Variants in RPS6KB1 observed in about 807,000 individuals in gnomAD.
RPS6KB1 encodes the protein ribosomal protein S6 kinase beta-1.
A neutral mutation model predicts 70.2 loss-of-function variants in RPS6KB1; 12 were observed. The observed-to-expected ratio is 0.17, with a 90% CI of 0.11 to 0.28. The LOEUF (loss-of-function observed/expected upper bound fraction) is 0.28. RPS6KB1 is among the 10% of genes least tolerant of loss of function. The pLI is 1.00. For synonymous variants in RPS6KB1, 175 were observed against 211.2 expected, an observed-to-expected ratio of 0.83 and a Z score of 1.49; for missense variants, 270 against 646.6, an observed-to-expected ratio of 0.42 and a Z score of 6.32.
intron 13 of RPS6KB1, among the ~76,000 whole-genome samples, chr17:59,941,273 C>T (rs2044562750): frequency 6.6e-6 from 1 of 150,776 alleles, no homozygotes; most frequent in South Asian, 2.1e-4. Context: ...AAAAACCTCA[C>T]TGACTACATG....
rs561235117 is a variant in RPS6KB1 at position 59,934,084 on chromosome 17, G to A, written c.689-86G>A. The A allele has an allele frequency of 2.6e-5, 23 of 891,842 alleles. No homozygotes were observed. In the East Asian group the frequency reaches 2.9e-4, roughly 11 times the overall value. The allele number at this position is 891,842 out of a possible 1,614,324, so 55.2% of individuals were successfully genotyped here. On this transcript the variant is annotated intron_variant, in intron 7 of 14. Coordinates refer to ENST00000225577, the MANE Select transcript of RPS6KB1 (RefSeq NM_003161.4). This position sits in a 1 kb window ranked among gnomAD's most constrained non-coding sequence, Gnocchi z 4.8. ...TGAGGCAAGAAAAGTTAAATGGAAG[G>A]ATAGATTAAAGTATTATGTGACATG...
Position 59,896,931 on chromosome 17 carries a change from A to T in RPS6KB1, c.141+3606A>T, listed in dbSNP as rs76981745. On this transcript the variant is annotated intron_variant, in intron 1 of 14. Transcript: ENST00000225577. ...TACCCTGAAATAAAAAAAAAAAAAA[A>T]TTCTGGAAAATGAGAGAAGTTTAGA... Among the ~76,000 whole-genome samples the T allele has an allele frequency of 2.5e-3, 386 of 152,102 alleles. 7 individuals are homozygous for T. The highest frequency in any genetic ancestry group is 0.022 in the East Asian group (115 of 5,184).
chr17:59,937,453 C>T (rs2044309734), intron 12 of RPS6KB1, among the ~76,000 whole-genome samples: 1 of 152,164 alleles, frequency 6.6e-6, no homozygotes, highest in African/African-American at 2.4e-5. Context: ...GATCTGGAGA[C>T]TAGAAGTTCT....
At position 59,946,483 on chromosome 17, in the gene RPS6KB1, G is replaced by A; in HGVS notation, c.1341-68G>A. 2.5e-6 allele frequency: 3 copies of A among 1,196,156 alleles called. No homozygotes were observed. Among genetic ancestry groups the A allele is most frequent in the South Asian group, 2.5e-5 (2 of 79,866 alleles). 74.1% of individuals were successfully genotyped at this position (1,196,156 alleles called of 1,614,324 possible). On this transcript the variant is annotated intron_variant, in intron 14 of 14. Coordinates refer to ENST00000225577, the MANE Select transcript of RPS6KB1 (RefSeq NM_003161.4). The surrounding 1 kb of genome is among the most constrained non-coding windows in gnomAD (Gnocchi z 4.2). The stretch of plus-strand genomic sequence containing the variant: ...TCATGTTACCCCACTCCCTTTAAAC[G>A]TAAAGGAAATATGTCTTGTTGAGAT...
At position 59,913,459 on chromosome 17, in the gene RPS6KB1, A is replaced by G. The variant is rs1055978082; in HGVS notation, c.312+655A>G. ...CATTTGTAGCCTATTCTTATGCTTA[A>G]GAACACATTGTAATTTCTAATCATC... On this transcript the variant is annotated intron_variant, in intron 3 of 14. Coordinates refer to ENST00000225577, the MANE Select transcript of RPS6KB1 (RefSeq NM_003161.4). Among the ~76,000 whole-genome samples, 7 of 152,336 alleles carry G rather than the reference A, an allele frequency of 4.6e-5. 1 individual carries two copies. In the South Asian group the frequency reaches 8.3e-4, roughly 18 times the overall value.
Position 59,918,804 on chromosome 17 carries a change from T to C in RPS6KB1, c.381+4101T>C, listed in dbSNP as rs1188358900. Among the ~76,000 whole-genome samples the C allele has an allele frequency of 3.9e-5, 6 of 152,098 alleles. 1 individual carries two copies. The East Asian group carries it at 1.2e-3, about 29-fold the overall frequency. ...TTCCATGTTAGAGGCCTTCTTTAGA[T>C]GTCTGGTGTCATTCACTGATTATTC... On this transcript the variant is annotated intron_variant, in intron 4 of 14. Transcript: ENST00000225577.
At chr17:59,944,943 C>T (rs1000250066) in intron 13 of RPS6KB1, among the ~76,000 whole-genome samples, 5 of 151,862 alleles carry the variant, frequency 3.3e-5, no homozygotes, top group Admixed American at 6.6e-5. Context: ...GGATTACAGG[C>T]GTGCACCACC....
chr17:59,940,156 A>G (rs2044489138), intron 12 of RPS6KB1, among the ~76,000 whole-genome samples: 1 of 152,182 alleles, frequency 6.6e-6, no homozygotes, highest in East Asian at 1.9e-4. Flanking sequence ...TGCAGTAGCC[A>G]ACTGAACTAA....
intron 1 of RPS6KB1, among the ~76,000 whole-genome samples, chr17:59,901,395 C>T (rs556244593): frequency 9.3e-5 from 14 of 151,116 alleles, no homozygotes; most frequent in East Asian, 2.0e-4. Context: ...GCAATCCGCC[C>T]GCCTCAGCCT....
intron 1 of RPS6KB1, among the ~76,000 whole-genome samples, chr17:59,909,022 GT>G (rs1351696955): frequency 6.7e-6 from 1 of 149,868 alleles, no homozygotes; most frequent in Non-Finnish European, 1.5e-5. Context: ...TGCCTTCCAG[GT>G]TCAAGTGATT....
chr17:59,900,066 C>T lies in RPS6KB1; in HGVS notation c.141+6741C>T, dbSNP rs2041816787. On this transcript the variant is annotated intron_variant, in intron 1 of 14. Coordinates refer to ENST00000225577, the MANE Select transcript of RPS6KB1 (RefSeq NM_003161.4). ...AGCACACGCCTGGCACTAGTGACTC[C>T]AGAGGCTGAGAAGAGATGATCACTG... 3.3e-5 allele frequency among the ~76,000 whole-genome samples: 5 copies of T among 151,828 alleles called. No homozygotes were observed. In the South Asian group the frequency reaches 1.0e-3, roughly 32 times the overall value.
chr17:59,924,867 C>A (rs932957307), intron 4 of RPS6KB1, among the ~76,000 whole-genome samples: 4 of 151,394 alleles, frequency 2.6e-5, no homozygotes, highest in Non-Finnish European at 4.4e-5. Flanking sequence ...CTCACTTTGT[C>A]ACCCAGGCTG....
intron 13 of RPS6KB1, among the ~76,000 whole-genome samples, chr17:59,942,400 G>A (rs2044666911): frequency 6.6e-6 from 1 of 152,226 alleles, no homozygotes; most frequent in Non-Finnish European, 1.5e-5. Context: ...CAACAGAAAT[G>A]ATGGATTTAT....
At chr17:59,897,679 G>C (rs1485179165) in intron 1 of RPS6KB1, among the ~76,000 whole-genome samples, 1 of 152,114 alleles carries the variant, frequency 6.6e-6, no homozygotes, top group Non-Finnish European at 1.5e-5. Context: ...AAAAGATCCT[G>C]TTTAAGGCCG....
At chr17:59,938,161 C>CTTTTTTTTTTTTTTT (rs2044348948) in intron 12 of RPS6KB1, among the ~76,000 whole-genome samples, 1 of 81,270 alleles carries the variant, frequency 1.2e-5, no homozygotes, top group Non-Finnish European at 2.5e-5. Context: ...TTTCCTTTTT[C>CTTTTTTTTTTTTTTT]TTTTCTTTCT....
intron 1 of RPS6KB1, among the ~76,000 whole-genome samples, chr17:59,900,653 G>A (rs749441351): frequency 5.3e-5 from 8 of 152,122 alleles, no homozygotes; most frequent in South Asian, 2.1e-4. Flanking sequence ...CGTGAGCCAC[G>A]CGCCTGGCCT....
chr17:59,897,607 T>C (rs915456032), intron 1 of RPS6KB1, among the ~76,000 whole-genome samples: 9 of 152,122 alleles, frequency 5.9e-5, no homozygotes, highest in African/African-American at 1.9e-4. Context: ...TAATTAGAGA[T>C]TAAAAGATGA....
At chr17:59,910,694 A>G (rs2042581788) in intron 2 of RPS6KB1, 83 bp downstream of exon 2, 2 of 871,052 alleles carry the variant, frequency 2.3e-6, no homozygotes, top group South Asian at 1.5e-5. Context: ...CAATCATGTG[A>G]TTCCTGTAAC....
chr17:59,931,527 C>T (rs2043923108), intron 6 of RPS6KB1, 95 bp from the exon 7 acceptor site: 4 of 915,808 alleles, frequency 4.4e-6, no homozygotes, highest in Non-Finnish European at 5.3e-6. Context: ...GTCTTTGGTG[C>T]ATGTCTGTTT....
Sources: allele counts gnomAD v4.1 joint callset (sites outside exome capture counted in the v4.1 genomes callset), GRCh38; gene constraint gnomAD v4.1.1; non-coding constraint Gnocchi (gnomAD v3.1); transcripts MANE v1.5; gene names NCBI Gene and HGNC (gene_info 2026-07-23, HGNC 2026-07-21).